Variants in TSPAN6 observed in about 807,000 individuals in gnomAD.
TSPAN6 encodes tetraspanin-6.
Under a neutral mutation model 18.0 loss-of-function variants are expected in TSPAN6, and 13 were observed. The ratio of observed to expected loss-of-function variants is 0.72; its 90% confidence interval spans 0.47 to 1.15. TSPAN6 has a LOEUF of 1.15. TSPAN6 is among the 50% of genes most tolerant of loss of function. The pLI, the probability that TSPAN6 is intolerant of heterozygous loss-of-function variation, is 0.00. For synonymous variants in TSPAN6, 82 were observed against 67.0 expected (o/e 1.22, Z -1.09); for missense variants, 186 against 183.9 (o/e 1.01, Z -0.07).
chrX:100,636,367 C>T, intron 1 of TSPAN6: 1 of 958,765 alleles, frequency 1.0e-6, no homozygotes, highest in Non-Finnish European at 1.3e-6. Flanking sequence ...AACGCTGGTA[C>T]GTCTGGGTCC....
chrX:100,636,405 C>A (rs1490670168), intron 1 of TSPAN6: 72 of 997,132 alleles, frequency 7.2e-5, no homozygotes, highest in Non-Finnish European at 9.0e-5. Flanking sequence ...TGCCTTCGTC[C>A]CGCACTCCGA....
chrX:100,635,087 TAC>T, intron 3 of TSPAN6, 89 bp downstream of exon 3: 6 of 668,164 alleles, frequency 9.0e-6, no homozygotes, highest in Non-Finnish European at 1.1e-5. Flanking sequence ...CAGGTTTAAA[TAC>T]AGAGGTCTGA....
At position 100,635,270 on chromosome X, in the gene TSPAN6, A is replaced by C; in HGVS notation, c.277-18T>G. The C allele has an allele frequency of 8.8e-7, 1 of 1,142,155 alleles. No homozygotes were observed. Among genetic ancestry groups the C allele is most frequent in the Non-Finnish European group, 1.2e-6 (1 of 840,990 alleles). The allele number at this position is 1,142,155 out of a possible 1,213,427, so 94.1% of individuals were successfully genotyped here. A position where few individuals can be genotyped will look rare whatever the true frequency, so the allele number is the denominator to read the frequency against. On this transcript the variant is annotated intron_variant, in intron 2 of 7. Transcript: ENST00000373020. Reference sequence around the variant, plus strand: ...ATTGCATACTGCAGGATAAGAAAGAAAGTCCAAGTCAGCATAAATAAGATA... The same window carrying C: ...ATTGCATACTGCAGGATAAGAAAGACAGTCCAAGTCAGCATAAATAAGATA...
At chrX:100,635,501 T>C (rs2083088078) in intron 2 of TSPAN6, 57 bp downstream of exon 2, 6 of 1,045,128 alleles carry the variant, frequency 5.7e-6, no homozygotes, top group Admixed American at 3.2e-5. Flanking sequence ...AGGAATTCTA[T>C]AACATACAAA....
rs1255019976 is a variant in TSPAN6, at chrX:100,629,363, T to C, written c.*663A>G. On this transcript the variant is annotated 3_prime_UTR_variant, in exon 8 of 8. Coordinates refer to ENST00000373020, the MANE Select transcript of TSPAN6 (RefSeq NM_003270.4). Reference sequence around the variant, plus strand: ...TCGTGGATGCCTTAGACCCAAGGCCTTACACTGTTATCACCATCTGGCAAC... The same window carrying C: ...TCGTGGATGCCTTAGACCCAAGGCCCTACACTGTTATCACCATCTGGCAAC... The C allele has an allele frequency of 8.9e-6, 1 of 112,021 alleles. No homozygotes were observed. Among genetic ancestry groups the C allele is most frequent in the East Asian group, 2.8e-4 (1 of 3,564 alleles). The allele number at this position is 112,021 out of a possible 1,213,427, so 9.2% of individuals were successfully genotyped here. A position where few individuals can be genotyped will look rare whatever the true frequency, so the allele number is the denominator to read the frequency against.
At chrX:100,634,351 G>A (rs1160830775) in intron 3 of TSPAN6, among the ~76,000 whole-genome samples, 1 of 111,783 alleles carries the variant, frequency 8.9e-6, no homozygotes, top group East Asian at 2.8e-4. Flanking sequence ...GTTCAAATTC[G>A]ATGCCTATGG....
chrX:100,636,739 C>CA lies in TSPAN6; in HGVS notation c.-46dup. On this transcript the variant is annotated 5_prime_UTR_variant, in exon 1 of 8. Transcript: ENST00000373020. ...ACCACCGCACCGGGCGATTGGAACA[C>CA]AGAGAGCGAGACGCGGAGTCCCCGA... is the stretch of plus-strand genomic sequence containing the variant. 1 of 1,158,777 alleles carries CA rather than the reference C, an allele frequency of 8.6e-7. No homozygotes were observed. Among genetic ancestry groups the CA allele is most frequent in the Non-Finnish European group, 1.2e-6 (1 of 868,891 alleles).
At chrX:100,636,433 T>A in intron 1 of TSPAN6, 175 bp downstream of exon 1, 3 of 1,007,275 alleles carry the variant, frequency 3.0e-6, no homozygotes, top group Non-Finnish European at 3.8e-6. Context: ...GCCGGCGAGA[T>A]GCCTGAGCTC....
chrX:100,633,853 C>T (rs1387419802), intron 4 of TSPAN6, 78 bp downstream of exon 4: 19 of 721,761 alleles, frequency 2.6e-5, no homozygotes, highest in Non-Finnish European at 4.0e-5. Flanking sequence ...AGGTGGATAA[C>T]ATCTAGTAGC....
intron 7 of TSPAN6, 139 bp from the exon 8 acceptor site, chrX:100,630,125 G>T: frequency 5.1e-6 from 1 of 196,065 alleles, no homozygotes; most frequent in Non-Finnish European, 7.8e-6. Context: ...AAAATGCAAA[G>T]TGTGCCCTAG....
Position 100,636,728 on chromosome X carries a change from C to A in TSPAN6, c.-34G>T, listed in dbSNP as rs936406392. The A allele has an allele frequency of 1.2e-5, 14 of 1,173,210 alleles. No homozygotes were observed. The highest frequency in any genetic ancestry group is 1.5e-5 in the Non-Finnish European group (13 of 877,514). On this transcript the variant is annotated 5_prime_UTR_variant, in exon 1 of 8. Coordinates refer to ENST00000373020, the MANE Select transcript of TSPAN6 (RefSeq NM_003270.4). Reference sequence around the variant, plus strand: ...CGAGACCCTGCACCACCGCACCGGGCGATTGGAACACAGAGAGCGAGACGC... The same window carrying A: ...CGAGACCCTGCACCACCGCACCGGGAGATTGGAACACAGAGAGCGAGACGC...
chrX:100,629,293 G>C lies in TSPAN6; in HGVS notation c.*733C>G, dbSNP rs1300183598. 2 of 111,927 alleles carry C rather than the reference G, an allele frequency of 1.8e-5. No homozygotes were observed. The highest frequency in any genetic ancestry group is 3.8e-5 in the Non-Finnish European group (2 of 53,190). 9.2% of individuals were successfully genotyped at this position (111,927 alleles called of 1,213,427 possible). ...TTGGAGGCAAAGAAATGTAAGTTGT[G>C]TGCTGAAACCTGATGTATCACAGAA... is the stretch of plus-strand genomic sequence containing the variant. On this transcript the variant is annotated 3_prime_UTR_variant, in exon 8 of 8. Transcript: ENST00000373020.
rs769245632 is a variant in TSPAN6, at chrX:100,635,146, T to C, written c.351+32A>G. On this transcript the variant is annotated intron_variant, in intron 3 of 7. Transcript: ENST00000373020. The stretch of plus-strand genomic sequence containing the variant: ...ATTTTTATCTCTCAGAGGATAAATG[T>C]AACATGCTAAGCTTCCCTAATTCAG... 3.7e-6 allele frequency: 4 copies of C among 1,090,264 alleles called. No individual in the cohort carries two copies. In the Admixed American group the frequency reaches 7.0e-5, roughly 19 times the overall value. 89.8% of individuals were successfully genotyped at this position (1,090,264 alleles called of 1,213,427 possible).
At chrX:100,630,366 G>A (rs1306189555) in intron 7 of TSPAN6, among the ~76,000 whole-genome samples, 1 of 112,075 alleles carries the variant, frequency 8.9e-6, no homozygotes, top group Non-Finnish European at 1.9e-5. Flanking sequence ...GTCAATATTG[G>A]TGAGGAGCAG....
intron 6 of TSPAN6, 105 bp from the exon 7 acceptor site, chrX:100,630,971 G>A: frequency 1.6e-6 from 1 of 614,998 alleles, no homozygotes; most frequent in Non-Finnish European, 2.6e-6. Flanking sequence ...TTTCGTCCTT[G>A]AGTTTTTCTA....
chrX:100,630,970 T>G lies in TSPAN6; in HGVS notation c.670-104A>C, dbSNP rs147387008. On this transcript the variant is annotated intron_variant, in intron 6 of 7. Transcript: ENST00000373020. ...GTAATTCGCTTATAATTTTCGTCCT[T>G]GAGTTTTTCTAGAGTTATGTTTAAT... 41 of 613,517 alleles carry G rather than the reference T, an allele frequency of 6.7e-5. No homozygotes were observed. The African/African-American group carries it at 9.2e-4, about 14-fold the overall frequency. 50.6% of individuals were successfully genotyped at this position (613,517 alleles called of 1,213,427 possible).
At position 100,627,977 on chromosome X, in the gene TSPAN6, A is replaced by G. The variant is rs923818913; in HGVS notation, c.*2049T>C. 6.4e-5 allele frequency: 7 copies of G among 109,778 alleles called. No homozygotes were observed. The highest frequency in any genetic ancestry group is 1.3e-4 in the Non-Finnish European group (7 of 52,665). The allele number at this position is 109,778 out of a possible 1,213,427, so 9.0% of individuals were successfully genotyped here. On this transcript the variant is annotated 3_prime_UTR_variant, in exon 8 of 8. Coordinates refer to ENST00000373020, the MANE Select transcript of TSPAN6 (RefSeq NM_003270.4). ...CAGGTGCTTGCCACCACACCCAGCT[A>G]ATTTTTGCATTTTTATTAGAGACGG...
At chrX:100,632,180 G>A (rs989700515) in intron 6 of TSPAN6, 3 of 231,790 alleles carry the variant, frequency 1.3e-5, no homozygotes, top group Admixed American at 6.9e-5. Context: ...CGAGGAGGGC[G>A]GATCACTTGA....
chrX:100,632,037 T>A, intron 6 of TSPAN6: 1 of 129,234 alleles, frequency 7.7e-6, no homozygotes. Flanking sequence ...TAACTGAGAG[T>A]TTTGTGAAAA....
Sources: allele counts gnomAD v4.1 joint callset (sites outside exome capture counted in the v4.1 genomes callset), GRCh38; gene constraint gnomAD v4.1.1; transcripts MANE v1.5; gene names NCBI Gene and HGNC (gene_info 2026-07-23, HGNC 2026-07-21).